The following LRRK2 variants were observed in gnomAD, a reference collection of about 807,000 sequenced individuals.
LRRK2 encodes the protein leucine-rich repeat serine/threonine-protein kinase 2.
Under a neutral mutation model 302.6 loss-of-function variants are expected in LRRK2, and 203 were observed. That is an observed-to-expected ratio of 0.67 (90% CI 0.60 to 0.75). LRRK2 has a LOEUF of 0.75. LRRK2 is among the 30% of genes least tolerant of loss of function. The probability of loss-of-function intolerance (pLI) is 0.00; values close to 1 mark genes in which losing one functional copy is unlikely to be tolerated. For synonymous variants in LRRK2, 1,066 were observed against 1,031.9 expected (o/e 1.03, Z -0.63); for missense variants, 2,830 against 2,951.0 (o/e 0.96, Z 0.95).
Position 40,363,434 on chromosome 12 carries a change from T to A in LRRK2, c.7061T>A (p.Ile2354Asn). The A allele has an allele frequency of 6.2e-7, 1 of 1,611,956 alleles. No individual in the cohort carries two copies. The highest frequency in any genetic ancestry group is 8.5e-7 in the Non-Finnish European group (1 of 1,178,618). The change falls in exon 48 of 51, where the codon ATC becomes AAC. Residue 2354 changes from isoleucine to asparagine, a missense_variant. Coordinates refer to ENST00000298910, the MANE Select transcript of LRRK2 (RefSeq NM_198578.4). ...FSYAAFSDSN[I>N]ITVVVDTALY... is the part of the protein sequence containing the mutation. ...TATGCAGCTTTCAGTGATTCCAACA[T>A]CATAACAGTGGTGGTAGACACTGCT...
intron 11 of LRRK2, among the ~76,000 whole-genome samples, chr12:40,253,766 T>C (rs1031419955): frequency 1.2e-4 from 18 of 152,322 alleles, no homozygotes; most frequent in South Asian, 2.1e-4. Flanking sequence ...AAGTTTTAGT[T>C]TGTGTCCAGT....
chr12:40,296,487 C>G (rs559519903), intron 23 of LRRK2, among the ~76,000 whole-genome samples: 23 of 151,976 alleles, frequency 1.5e-4, no homozygotes, highest in Non-Finnish European at 2.5e-4. Flanking sequence ...GAAAAATTAG[C>G]CAGGTGTGGT....
At chr12:40,363,334 T>G in intron 47 of LRRK2, 68 bp from the exon 48 acceptor site, 2 of 1,463,636 alleles carry the variant, frequency 1.4e-6, no homozygotes, top group African/African-American at 2.8e-5. Flanking sequence ...AATATAAGGT[T>G]GTATTACACG....
intron 25 of LRRK2, among the ~76,000 whole-genome samples, 191 bp downstream of exon 25, chr12:40,299,448 A>C (rs565212526): frequency 1.3e-5 from 2 of 152,212 alleles, no homozygotes; most frequent in Non-Finnish European, 2.9e-5. Context: ...CATGAAAGAA[A>C]CATAAATGCA....
chr12:40,303,373 T>G (rs947867898), intron 26 of LRRK2, among the ~76,000 whole-genome samples: 8 of 152,102 alleles, frequency 5.3e-5, no homozygotes, highest in African/African-American at 1.7e-4. Context: ...GGATCTTGAG[T>G]GTGTTGTAAT....
At chr12:40,229,955 CTTTTTTTTTT>C (rs71078229) in intron 2 of LRRK2, among the ~76,000 whole-genome samples, 1,093 of 92,946 alleles carry the variant, frequency 0.012, 30 homozygotes, top group African/African-American at 0.036. Context: ...TCCTATGTGA[CTTTTTTTTTT>C]TTTTTTTTTT....
At chr12:40,249,319 T>C (rs1274106694) in intron 7 of LRRK2, among the ~76,000 whole-genome samples, 4 of 133,038 alleles carry the variant, frequency 3.0e-5, no homozygotes, top group Non-Finnish European at 6.3e-5. Flanking sequence ...GTGAAATACC[T>C]TTTTTTTTTT....
chr12:40,317,951 G>A (rs1401418957), intron 33 of LRRK2, among the ~76,000 whole-genome samples: 1 of 152,074 alleles, frequency 6.6e-6, no homozygotes, highest in Admixed American at 6.6e-5. Context: ...TATTCACTTG[G>A]CTTCATTCAT....
intron 14 of LRRK2, 21 bp from the exon 15 acceptor site, chr12:40,274,562 C>T (rs75915916): frequency 4.3e-5 from 69 of 1,612,352 alleles, no homozygotes; most frequent in African/African-American, 4.0e-4. Flanking sequence ...TTTTTAACAG[C>T]GAGTATTCTT....
In LRRK2 at chr12:40,298,414, C is replaced by G. The variant is rs1409959548; in HGVS notation, c.3268C>G (p.Leu1090Val). The G allele has an allele frequency of 2.9e-5, 46 of 1,613,630 alleles. 1 individual carries two copies. In the Admixed American group the frequency reaches 7.5e-4, roughly 26 times the overall value. Reference protein sequence around the residue: ...VKCPTLKQFNLSYNQLSFVPE... With the variant: ...VKCPTLKQFNVSYNQLSFVPE... ...ATGTCCAACTCTGAAACAGTTTAAC[C>G]TGTCATATAACCAGCTGTCTTTTGT... is the stretch of plus-strand genomic sequence containing the variant. Residue 1090 changes from leucine to valine, a missense_variant, in exon 24 of 51, where the codon CTG (leucine) becomes GTG (valine). This residue lies in a region of LRRK2 where 2,121 missense variants were observed against 2,148.0 expected (regional missense o/e 0.99). Coordinates refer to ENST00000298910, the MANE Select transcript of LRRK2 (RefSeq NM_198578.4).
Position 40,351,642 on chromosome 12 carries a change from G to A in LRRK2, c.6485G>A (p.Ser2162Asn), listed in dbSNP as rs1194028798. The A allele has an allele frequency of 3.1e-6, 5 of 1,614,056 alleles. No individual in the cohort carries two copies. In the African/African-American group the frequency reaches 6.7e-5, roughly 22 times the overall value. ...TGCATGGTTGCTACACATCACAACA[G>A]CAGGAATGCAAGCATTTGGCTGGGC... ...VECMVATHHN[S>N]RNASIWLGCG... The change falls in exon 44 of 51, where the codon AGC becomes AAC. Residue 2162 changes from serine to asparagine, a missense_variant. By Grantham distance (46) the Ser-to-Asn change is conservative. This residue lies in a region of LRRK2 where 456 missense variants were observed against 456.3 expected (regional missense o/e 1.00). Coordinates refer to ENST00000298910, the MANE Select transcript of LRRK2 (RefSeq NM_198578.4).
chr12:40,355,817 T>G (rs1356494020), intron 45 of LRRK2, among the ~76,000 whole-genome samples: 1 of 152,120 alleles, frequency 6.6e-6, no homozygotes, highest in Non-Finnish European at 1.5e-5. Flanking sequence ...GTGCTGGGAT[T>G]ACAAGTGTGA....
chr12:40,271,706 A>G (rs1943238325), intron 14 of LRRK2, among the ~76,000 whole-genome samples: 1 of 152,266 alleles, frequency 6.6e-6, no homozygotes, highest in African/African-American at 2.4e-5. Flanking sequence ...ATATATGTAT[A>G]TATAAATATT....
chr12:40,293,892 GGC>G (rs1944261397), intron 21 of LRRK2, among the ~76,000 whole-genome samples: 1 of 74,802 alleles, frequency 1.3e-5, no homozygotes, highest in African/African-American at 4.7e-5. Context: ...AATTTTTTGG[GGC>G]ACATATATAT....
chr12:40,288,850 T>G (rs1944032833), intron 20 of LRRK2, among the ~76,000 whole-genome samples: 1 of 151,908 alleles, frequency 6.6e-6, no homozygotes, highest in African/African-American at 2.4e-5. Flanking sequence ...TTTTTCCCAG[T>G]CATAGCTTGT....
intron 4 of LRRK2, 135 bp from the exon 5 acceptor site, chr12:40,237,834 C>T: frequency 2.1e-6 from 2 of 930,878 alleles, no homozygotes; most frequent in South Asian, 3.1e-5. Flanking sequence ...AACAAACAAA[C>T]AAACAAACAA....
At chr12:40,318,524 T>C (rs1945297269) in intron 33 of LRRK2, among the ~76,000 whole-genome samples, 1 of 151,980 alleles carries the variant, frequency 6.6e-6, no homozygotes, top group South Asian at 2.1e-4. Context: ...GATGAAGAAA[T>C]TGATTGACAG....
chr12:40,322,486 G>T lies in LRRK2; in HGVS notation c.5485G>T (p.Asp1829Tyr). Reference protein sequence around the residue: ...GEEHQKILLDDLMKKAEEGDL... With the variant: ...GEEHQKILLDYLMKKAEEGDL... ...AGAACATCAAAAAATCTTACTTGATGACTTGATGAAGAAAGCAGAGGAAGG... is the reference window on the plus strand; with the variant it reads ...AGAACATCAAAAAATCTTACTTGATTACTTGATGAAGAAAGCAGAGGAAGG... The change falls in exon 37 of 51, where the codon GAC (aspartate) becomes TAC (tyrosine). Residue 1829 changes from aspartate (D) to tyrosine (Y), a missense_variant. Asp to Tyr is a radical substitution (Grantham distance 160). Around this residue, in one of 3 missense-constraint regions of LRRK2, gnomAD observed 2,121 missense variants for 2,148.0 expected, o/e 0.99. Coordinates refer to ENST00000298910, the MANE Select transcript of LRRK2 (RefSeq NM_198578.4). The T allele has an allele frequency of 6.2e-7, 1 of 1,612,328 alleles. No individual in the cohort carries two copies. Among genetic ancestry groups the T allele is most frequent in the South Asian group, 1.1e-5 (1 of 90,904 alleles).
intron 14 of LRRK2, among the ~76,000 whole-genome samples, chr12:40,272,614 C>T (rs1402502123): frequency 6.6e-6 from 1 of 151,972 alleles, no homozygotes; most frequent in African/African-American, 2.4e-5. Context: ...GAAATCCCAT[C>T]CATGAATAGA....
Sources: gnomAD v4.1 joint callset for allele counts (sites outside exome capture counted in the v4.1 genomes callset) on GRCh38, gnomAD v4.1.1 for gene constraint, gnomAD v4.1.1 regional missense constraint, MANE v1.5 for transcripts, NCBI Gene and HGNC (gene_info 2026-07-23, HGNC 2026-07-21) for gene names.